ZNF562: variants seen among roughly 807,000 people sequenced by gnomAD.
ZNF562 encodes the protein zinc finger protein 562.
In ZNF562, 13 loss-of-function variants were observed where a neutral mutation model predicts 17.5. The observed-to-expected ratio is 0.74, with a 90% CI of 0.48 to 1.18. The LOEUF (loss-of-function observed/expected upper bound fraction) is 1.18. Ranked by LOEUF, ZNF562 falls within the 50% of genes most tolerant of loss-of-function variation. The pLI is 0.00. For missense variants in ZNF562, 481 were observed against 498.5 expected (o/e 0.96, Z 0.33); for synonymous variants, 163 against 165.4 (o/e 0.99, Z 0.11).
chr19:9,653,645 A>G lies in ZNF562; in HGVS notation c.585T>C (p.Leu195=). ...FTLTPGLAVH[L]EILNGRQPYK... is the part of the protein sequence containing the mutation. ...AGGGTTGTCTTCCATTGAGAATTTCAAGATGCACAGCAAGGCCTGGAGTTA... is the reference window on the plus strand; with the variant it reads ...AGGGTTGTCTTCCATTGAGAATTTCGAGATGCACAGCAAGGCCTGGAGTTA... The change falls in exon 6 of 6, where the codon CTT becomes CTC. Residue 195 remains leucine (L), a synonymous_variant. Transcript: ENST00000453372. 1.2e-6 allele frequency: 2 copies of G among 1,614,006 alleles called. No individual in the cohort carries two copies. Among genetic ancestry groups the G allele is most frequent in the South Asian group, 1.1e-5 (1 of 91,080 alleles).
chr19:9,645,353 T>G lies in ZNF562; in HGVS notation c.*7596A>C, dbSNP rs1356203295. On this transcript the variant is annotated 3_prime_UTR_variant, in exon 6 of 6. Coordinates refer to ENST00000453372, the MANE Select transcript of ZNF562 (RefSeq NM_001130031.2). ...AGCCACTGTGCCTGGCCCAGAATTCTTTACTGCTAACACGAGTGGGCCTGG... is the reference window on the plus strand; with the variant it reads ...AGCCACTGTGCCTGGCCCAGAATTCGTTACTGCTAACACGAGTGGGCCTGG... 6.6e-6 allele frequency: 1 copy of G among 152,224 alleles called. No homozygotes were observed. The highest frequency in any genetic ancestry group is 1.9e-4 in the East Asian group (1 of 5,192). 9.4% of individuals were successfully genotyped at this position (152,224 alleles called of 1,614,324 possible). A position where few individuals can be genotyped will look rare whatever the true frequency, so the allele number is the denominator to read the frequency against.
intron 1 of ZNF562, among the ~76,000 whole-genome samples, chr19:9,663,667 TC>T (rs1170849059): frequency 1.3e-5 from 2 of 151,898 alleles, no homozygotes; most frequent in African/African-American, 4.8e-5. Flanking sequence ...TAGCTATTGT[TC>T]TTTTTTTTCT....
intron 3 of ZNF562, 55 bp downstream of exon 3, chr19:9,659,324 T>C: frequency 4.2e-6 from 6 of 1,444,802 alleles, no homozygotes; most frequent in Non-Finnish European, 5.7e-6. Flanking sequence ...AGGAAATGTG[T>C]CTACCTATTG....
At chr19:9,673,887 A>G (rs1233607384) in intron 1 of ZNF562, among the ~76,000 whole-genome samples, 5 of 152,094 alleles carry the variant, frequency 3.3e-5, no homozygotes, top group African/African-American at 1.2e-4. Flanking sequence ...CACGCCTGGA[A>G]TCCCAGCTAC....
chr19:9,642,500 C>T lies in ZNF562; in HGVS notation c.*10449G>A, dbSNP rs2074778942. 1 of 152,022 alleles carries T rather than the reference C, an allele frequency of 6.6e-6. No individual in the cohort carries two copies. Among genetic ancestry groups the T allele is most frequent in the South Asian group, 2.1e-4 (1 of 4,830 alleles). The allele number at this position is 152,022 out of a possible 1,614,324, so 9.4% of individuals were successfully genotyped here. A position where few individuals can be genotyped will look rare whatever the true frequency, so the allele number is the denominator to read the frequency against. On this transcript the variant is annotated 3_prime_UTR_variant, in exon 6 of 6. Coordinates refer to ENST00000453372, the MANE Select transcript of ZNF562 (RefSeq NM_001130031.2). ...CTATGTTGCCTAGGCTGCCCTCAAA[C>T]TCCTGAGCTCAAGCGATCATCCTTC...
intron 1 of ZNF562, among the ~76,000 whole-genome samples, chr19:9,663,780 G>T (rs905116129): frequency 6.6e-6 from 1 of 151,720 alleles, no homozygotes; most frequent in East Asian, 1.9e-4. Flanking sequence ...AGGTTCAAGC[G>T]ATTTTCCTGC....
At chr19:9,673,734 T>A (rs895232407) in intron 1 of ZNF562, among the ~76,000 whole-genome samples, 1 of 152,154 alleles carries the variant, frequency 6.6e-6, no homozygotes, top group Non-Finnish European at 1.5e-5. Context: ...CCTAAACAAC[T>A]ATGTTTTTTC....
intron 1 of ZNF562, among the ~76,000 whole-genome samples, chr19:9,670,128 A>G (rs887320676): frequency 6.6e-6 from 1 of 152,006 alleles, no homozygotes. Flanking sequence ...AGTCCTGGCT[A>G]CTCAGGAAGC....
chr19:9,655,717 C>CTTTTTTTTTTTTTTTTTTTTT (rs58199071), intron 5 of ZNF562, among the ~76,000 whole-genome samples: 1 of 48,678 alleles, frequency 2.1e-5, no homozygotes, highest in Non-Finnish European at 3.6e-5. Flanking sequence ...TCTTTTCTTT[C>CTTTTTTTTTTTTTTTTTTTTT]TTTTTTTTTT....
intron 4 of ZNF562, among the ~76,000 whole-genome samples, chr19:9,657,267 C>CA (rs1406212564): frequency 2.0e-5 from 3 of 149,614 alleles, no homozygotes; most frequent in African/African-American, 4.9e-5. Flanking sequence ...ATAAACTTAA[C>CA]AAAAAAACAG....
At chr19:9,659,595 C>T (rs955209263) in intron 2 of ZNF562, 128 bp from the exon 3 acceptor site, 3 of 1,192,450 alleles carry the variant, frequency 2.5e-6, no homozygotes, top group Non-Finnish European at 3.4e-6. Flanking sequence ...ACACACAACA[C>T]TTCCATGAAA....
At chr19:9,657,057 A>G (rs1007198408) in intron 4 of ZNF562, among the ~76,000 whole-genome samples, 21 of 149,724 alleles carry the variant, frequency 1.4e-4, no homozygotes, top group African/African-American at 4.9e-5. Flanking sequence ...AAAAAGAAAA[A>G]AGAAAACAAG....
intron 3 of ZNF562, among the ~76,000 whole-genome samples, chr19:9,659,150 T>G (rs2043629130): frequency 6.6e-6 from 1 of 152,228 alleles, no homozygotes; most frequent in African/African-American, 2.4e-5. Flanking sequence ...GTTGGCACCA[T>G]GAAGGTCAAG....
chr19:9,664,883 A>T (rs116590336), intron 1 of ZNF562, among the ~76,000 whole-genome samples: 3,324 of 151,930 alleles, frequency 0.022, 117 homozygotes, highest in African/African-American at 0.076. Context: ...CTCAAATACC[A>T]CCGTTTATAT....
intron 1 of ZNF562, among the ~76,000 whole-genome samples, chr19:9,662,257 A>G (rs916027784): frequency 1.3e-5 from 2 of 152,142 alleles, no homozygotes; most frequent in Non-Finnish European, 2.9e-5. Context: ...TGTACCTAAG[A>G]TGATGAAAAA....
rs1288091219 is a variant in ZNF562, at chr19:9,656,595, T to C, written c.300A>G (p.Ser100=). ...GATTCTTCAAAAAACCCTGCTGAAG[T>C]GATGACCGTTTGGTTCTAGGTTGTA... The part of the protein sequence containing the change: ...WEIQPRTKRS[S]LQQGFLKNQI... The change falls in exon 5 of 6, where the codon TCA becomes TCG. Residue 100 remains serine (S), a synonymous_variant. Coordinates refer to ENST00000453372, the MANE Select transcript of ZNF562 (RefSeq NM_001130031.2). The C allele has an allele frequency of 1.2e-6, 2 of 1,613,978 alleles. No individual in the cohort carries two copies. The highest frequency in any genetic ancestry group is 3.3e-5 in the Admixed American group (2 of 59,986).
In ZNF562 at chr19:9,653,369, G is replaced by A. The variant is rs773831702; in HGVS notation, c.861C>T (p.Ser287=). The change falls in exon 6 of 6, where the codon TCC becomes TCT. Residue 287 remains serine (S), a synonymous_variant. Transcript: ENST00000453372. The part of the protein sequence containing the change: ...AHAKTHKGEK[S]FECKECGRSF... ...ATCTTCCACATTCTTTACATTCAAA[G>A]GACTTCTCTCCTTTATGAGTTTTTG... 42 of 1,613,946 alleles carry A rather than the reference G, an allele frequency of 2.6e-5. No individual in the cohort carries two copies. Among genetic ancestry groups the A allele is most frequent in the Non-Finnish European group, 3.6e-5 (42 of 1,180,004 alleles).
In ZNF562 at chr19:9,658,046, A is replaced by G. The variant is rs759501888; in HGVS notation, c.204T>C (p.Asp68=). 3 of 1,613,608 alleles carry G rather than the reference A, an allele frequency of 1.9e-6. No homozygotes were observed. The highest frequency in any genetic ancestry group is 2.5e-6 in the Non-Finnish European group (3 of 1,179,718). Residue 68 remains aspartate (D), a synonymous_variant, in exon 4 of 6, where the codon GAT becomes GAC. Transcript: ENST00000453372. ...LDTTQKYLYR[D]VMLENYMNLA... is the part of the protein sequence containing the mutation. ...GGTTCATGTAGTTCTCCAGCATCAC[A>G]TCTCTGTAGAGGTATTTCTGAGTTG...
At chr19:9,656,466 G>T in intron 5 of ZNF562, 81 bp downstream of exon 5, 1 of 1,472,456 alleles carries the variant, frequency 6.8e-7, no homozygotes, top group Non-Finnish European at 9.4e-7. Context: ...CTGAGATGGT[G>T]CCACTGCACT....
Sources: gnomAD v4.1 joint callset for allele counts (sites outside exome capture counted in the v4.1 genomes callset) on GRCh38, gnomAD v4.1.1 for gene constraint, MANE v1.5 for transcripts, NCBI Gene and HGNC (gene_info 2026-07-23, HGNC 2026-07-21) for gene names.